The following STOX2 variants were observed in gnomAD, a reference collection of about 807,000 sequenced individuals.
STOX2 encodes the protein storkhead box 2.
In STOX2, 28 loss-of-function variants were observed where a neutral mutation model predicts 60.9. The observed-to-expected ratio is 0.46, with a 90% confidence interval of 0.34 to 0.63. The LOEUF is 0.63. Among genes scored for constraint, STOX2 ranks in the 30% least tolerant of loss-of-function variants. The pLI is 0.01. For synonymous variants in STOX2, 472 were observed against 463.9 expected (o/e 1.02, Z -0.22); for missense variants, 1,024 against 1,187.7 (o/e 0.86, Z 2.03).
chr4:184,016,277 CT>C (rs1734372435), intron 3 of STOX2: 1 of 152,240 alleles, frequency 6.6e-6, no homozygotes, highest in African/African-American at 2.4e-5. Context: ...AGGAGGATTG[CT>C]TCAGCCTGGG....
At chr4:183,955,910 T>G (rs7672646) in intron 1 of STOX2, among the ~76,000 whole-genome samples, 49,522 of 151,976 alleles carry the variant, frequency 0.33, 8,718 homozygotes, top group African/African-American at 0.44. Flanking sequence ...TTGCGCCAGT[T>G]TCCCTGGAAG....
In STOX2 at chr4:183,873,637, C is replaced by T. The variant is rs143491587; in HGVS notation, c.364+75582C>T. ...CATAGATATTGTGGGATAGTAATGC[C>T]TCCCTTTACTGTCTCTTGGGTATGT... On this transcript the variant is annotated intron_variant, in intron 1 of 2. Transcript: ENST00000513034. Among the ~76,000 whole-genome samples the T allele has an allele frequency of 3.9e-5, 6 of 152,304 alleles. No individual in the cohort carries two copies. The East Asian group carries it at 1.2e-3, about 29-fold the overall frequency.
At chr4:183,850,976 G>A (rs1241425098) in intron 1 of STOX2, among the ~76,000 whole-genome samples, 4 of 112,442 alleles carry the variant, frequency 3.6e-5, no homozygotes, top group Admixed American at 2.1e-4. Context: ...AAGGATGAGG[G>A]AAACGATGAG....
chr4:183,928,035 C>G (rs1200209096), intron 1 of STOX2, among the ~76,000 whole-genome samples: 1 of 152,214 alleles, frequency 6.6e-6, no homozygotes, highest in Non-Finnish European at 1.5e-5. Flanking sequence ...GATACAACTG[C>G]AGAATCTTTC....
intron 1 of STOX2, among the ~76,000 whole-genome samples, chr4:183,966,064 C>T (rs1294698979): frequency 8.0e-6 from 1 of 124,396 alleles, no homozygotes; most frequent in African/African-American, 3.2e-5. Context: ...GAGAGGGGGG[C>T]AGGGAGGGAG....
At chr4:183,998,687 G>A (rs1560930647) in intron 1 of STOX2, among the ~76,000 whole-genome samples, 1 of 152,068 alleles carries the variant, frequency 6.6e-6, no homozygotes, top group African/African-American at 2.4e-5. Context: ...GACCACAGGC[G>A]CGTGCCAGCA....
At chr4:183,972,612 A>G (rs1011787369) in intron 1 of STOX2, among the ~76,000 whole-genome samples, 41 of 152,360 alleles carry the variant, frequency 2.7e-4, no homozygotes, top group African/African-American at 9.4e-4. Flanking sequence ...AGTGACATTC[A>G]GCTGACAGGA....
rs573478971 is a variant in STOX2 at position 183,877,249 on chromosome 4, G to A, written c.364+79194G>A. ...GAACTAAAGTCCTGCTACTCAAAGC[G>A]TATGGTCTGGGGACCAGCACGTCAG... On this transcript the variant is annotated intron_variant, in intron 1 of 2. Transcript: ENST00000513034. Among the ~76,000 whole-genome samples, 12 of 152,300 alleles carry A rather than the reference G, an allele frequency of 7.9e-5. No individual in the cohort carries two copies. The South Asian group carries it at 1.0e-3, about 13-fold the overall frequency.
chr4:183,935,624 C>G (rs1742569640), intron 1 of STOX2, among the ~76,000 whole-genome samples: 1 of 152,218 alleles, frequency 6.6e-6, no homozygotes, highest in Non-Finnish European at 1.5e-5. Context: ...TCCCATGTAG[C>G]TGTATGATCT....
intron 1 of STOX2, among the ~76,000 whole-genome samples, chr4:183,965,370 G>T (rs983114070): frequency 1.3e-5 from 2 of 152,186 alleles, no homozygotes; most frequent in African/African-American, 2.4e-5. Context: ...AGTACTGGCC[G>T]TGCAGAAGGT....
intron 1 of STOX2, among the ~76,000 whole-genome samples, chr4:183,967,491 G>A (rs543265726): frequency 2.6e-5 from 4 of 152,212 alleles, no homozygotes; most frequent in African/African-American, 7.2e-5. Flanking sequence ...GAACATGATG[G>A]TGTTTGGTGT....
At chr4:183,944,842 T>A (rs1342093558) in intron 1 of STOX2, among the ~76,000 whole-genome samples, 1 of 152,252 alleles carries the variant, frequency 6.6e-6, no homozygotes, top group East Asian at 1.9e-4. Context: ...AATATGAGGC[T>A]TCTGTATTAT....
At chr4:183,917,333 G>C (rs752199092) in intron 1 of STOX2, among the ~76,000 whole-genome samples, 19 of 152,212 alleles carry the variant, frequency 1.2e-4, no homozygotes, top group Non-Finnish European at 2.2e-4. Context: ...GGGTAGTTTA[G>C]CTGTAACCAC....
intron 1 of STOX2, among the ~76,000 whole-genome samples, chr4:183,879,556 C>T (rs939421671): frequency 6.6e-6 from 1 of 152,198 alleles, no homozygotes; most frequent in African/African-American, 2.4e-5. Context: ...GTTAAGTGAG[C>T]CGCATCTCCA....
chr4:184,021,882 G>A lies in STOX2; in HGVS notation c.*4598G>A, dbSNP rs1435426991. 4 of 152,398 alleles carry A rather than the reference G, an allele frequency of 2.6e-5. No homozygotes were observed. The highest frequency in any genetic ancestry group is 6.5e-5 in the Admixed American group (1 of 15,284). 9.4% of individuals were successfully genotyped at this position (152,398 alleles called of 1,614,324 possible). On this transcript the variant is annotated 3_prime_UTR_variant, in exon 4 of 4. Transcript: ENST00000308497. ...GCCAGTCACAGAACCAACTAGCCACGTGCTGCCAGACCTCAGTGGGCCCAA... is the reference window on the plus strand; with the variant it reads ...GCCAGTCACAGAACCAACTAGCCACATGCTGCCAGACCTCAGTGGGCCCAA...
At chr4:183,864,519 G>A (rs543201706) in intron 1 of STOX2, among the ~76,000 whole-genome samples, 4 of 152,078 alleles carry the variant, frequency 2.6e-5, no homozygotes, top group Admixed American at 2.0e-4. Context: ...TCAGCCTCCC[G>A]AGTAGCTGGG....
chr4:183,946,561 A>C (rs958948596), intron 1 of STOX2, among the ~76,000 whole-genome samples: 3 of 152,068 alleles, frequency 2.0e-5, no homozygotes, highest in South Asian at 2.1e-4. Context: ...TTCGTGCTGA[A>C]CACATATGGA....
chr4:183,804,892 C>G (rs977860174), intron 1 of STOX2, among the ~76,000 whole-genome samples: 1 of 152,192 alleles, frequency 6.6e-6, no homozygotes, highest in Non-Finnish European at 1.5e-5. Context: ...TAATTATGAT[C>G]TTGAGCACGT....
intron 1 of STOX2, among the ~76,000 whole-genome samples, chr4:183,815,392 AATG>A (rs1488395605): frequency 6.6e-6 from 1 of 152,224 alleles, no homozygotes; most frequent in Non-Finnish European, 1.5e-5. Flanking sequence ...GTATCAGTCT[AATG>A]ATGATGACAC....
Sources: allele counts gnomAD v4.1 joint callset (sites outside exome capture counted in the v4.1 genomes callset), GRCh38; gene constraint gnomAD v4.1.1; transcripts MANE v1.5; gene names NCBI Gene and HGNC (gene_info 2026-07-23, HGNC 2026-07-21).